AKT3: variants seen among roughly 807,000 people sequenced by gnomAD.
The protein encoded by AKT3 is AKT serine/threonine kinase 3.
A neutral mutation model predicts 65.3 loss-of-function variants in AKT3; 15 were observed. That is an observed-to-expected ratio of 0.23 (90% CI 0.15 to 0.35). AKT3 has a LOEUF of 0.35. Among genes scored for constraint, AKT3 ranks in the 10% least tolerant of loss-of-function variants. The pLI is 1.00. For missense variants in AKT3, 243 were observed against 576.5 expected (o/e 0.42, Z 5.92); for synonymous variants, 206 against 183.8 (o/e 1.12, Z -0.98).
At chr1:243,806,605 T>C (rs7542153) in intron 2 of AKT3, among the ~76,000 whole-genome samples, 3,932 of 152,320 alleles carry the variant, frequency 0.026, 160 homozygotes, top group African/African-American at 0.09. Context: ...CAACTTTTAA[T>C]GTTAAGTACA....
chr1:243,736,336 A>C (rs1029098196), intron 2 of AKT3, among the ~76,000 whole-genome samples: 1 of 152,206 alleles, frequency 6.6e-6, no homozygotes, highest in East Asian at 1.9e-4. Context: ...TACAATTACC[A>C]ATCATTGTCT....
At chr1:243,849,884 C>A (rs951181281) in intron 1 of AKT3, among the ~76,000 whole-genome samples, 156 bp downstream of exon 1, 1 of 151,962 alleles carries the variant, frequency 6.6e-6, no homozygotes. Context: ...CCCGCCCACG[C>A]CCCCGGCGCG....
Position 243,501,441 on chromosome 1 carries a change from T to C in AKT3, c.*3808A>G, listed in dbSNP as rs535815351. ...GTTGTATAGATGATTCGGGTCTGAA[T>C]GTCCCCAGGGTCTGAGACCTCCTTC... On this transcript the variant is annotated 3_prime_UTR_variant, in exon 14 of 14. Coordinates refer to ENST00000673466, the MANE Select transcript of AKT3 (RefSeq NM_005465.7). 8.6e-5 allele frequency: 20 copies of C among 233,210 alleles called. No homozygotes were observed. In the South Asian group the frequency reaches 3.6e-3, roughly 42 times the overall value. The allele number at this position is 233,210 out of a possible 1,614,324, so 14.4% of individuals were successfully genotyped here.
chr1:243,522,006 C>T (rs971825536), intron 12 of AKT3, among the ~76,000 whole-genome samples: 3 of 152,110 alleles, frequency 2.0e-5, no homozygotes, highest in African/African-American at 7.2e-5. Context: ...CTCAGTTATA[C>T]CTGGAGAGGA....
intron 2 of AKT3, among the ~76,000 whole-genome samples, chr1:243,740,515 G>T (rs1026566118): frequency 6.6e-6 from 1 of 152,154 alleles, no homozygotes; most frequent in African/African-American, 2.4e-5. Flanking sequence ...AAATGCAAAT[G>T]TGTCTTTTTC....
At chr1:243,627,724 T>A (rs1368065462) in intron 6 of AKT3, among the ~76,000 whole-genome samples, 1 of 152,196 alleles carries the variant, frequency 6.6e-6, no homozygotes, top group Non-Finnish European at 1.5e-5. Flanking sequence ...GAACCACCCA[T>A]AACATTCTAC....
chr1:243,489,266 T>G, intron 13 of AKT3: 4 of 1,274,908 alleles, frequency 3.1e-6, no homozygotes, highest in Non-Finnish European at 4.3e-6. Context: ...GGGAGGGAGG[T>G]CCCGAAGACT....
chr1:243,824,691 A>G (rs1002891833), intron 2 of AKT3, among the ~76,000 whole-genome samples: 5 of 152,242 alleles, frequency 3.3e-5, no homozygotes, highest in African/African-American at 1.2e-4. Flanking sequence ...ATTCAAATCA[A>G]AATCACAAGG....
At chr1:243,788,884 C>A (rs1691441102) in intron 2 of AKT3, 1 of 152,406 alleles carries the variant, frequency 6.6e-6, no homozygotes, top group African/African-American at 2.4e-5. Flanking sequence ...TGAAATATAT[C>A]TCTGTAACGT....
At chr1:243,659,031 A>G (rs1020755227) in intron 4 of AKT3, among the ~76,000 whole-genome samples, 10 of 150,746 alleles carry the variant, frequency 6.6e-5, no homozygotes, top group Non-Finnish European at 1.2e-4. Flanking sequence ...CCTTGTCTCA[A>G]AAAAAAAAGA....
At chr1:243,849,325 G>A (rs947037649) in intron 1 of AKT3, among the ~76,000 whole-genome samples, 2 of 152,002 alleles carry the variant, frequency 1.3e-5, no homozygotes, top group Non-Finnish European at 2.9e-5. Context: ...CTCCCAAGCG[G>A]ATCAAAACCC....
intron 2 of AKT3, among the ~76,000 whole-genome samples, chr1:243,779,725 A>ACTAAGAAGAACCAGAGCTCC: frequency 6.6e-6 from 1 of 152,250 alleles, no homozygotes; most frequent in African/African-American, 2.4e-5. Context: ...ACTATTTTCC[A>ACTAAGAAGAACCAGAGCTCC]CTAAGAAGAA....
intron 2 of AKT3, among the ~76,000 whole-genome samples, chr1:243,776,404 G>A (rs1227075937): frequency 6.6e-6 from 1 of 152,154 alleles, no homozygotes; most frequent in Non-Finnish European, 1.5e-5. Context: ...ATTAGAGTTA[G>A]ATGAAGTTCA....
intron 2 of AKT3, among the ~76,000 whole-genome samples, chr1:243,778,644 G>A (rs908728995): frequency 1.3e-5 from 2 of 152,070 alleles, no homozygotes; most frequent in South Asian, 2.1e-4. Context: ...TCAAAACTAG[G>A]TTTAAGTTAT....
At chr1:243,828,108 T>C (rs1170208542) in intron 2 of AKT3, among the ~76,000 whole-genome samples, 1 of 152,010 alleles carries the variant, frequency 6.6e-6, no homozygotes, top group Non-Finnish European at 1.5e-5. Context: ...AAAGGGCAAG[T>C]ATCCCGACTG....
At chr1:243,793,482 G>T (rs1191813997) in intron 2 of AKT3, 1 of 152,072 alleles carries the variant, frequency 6.6e-6, no homozygotes, top group Non-Finnish European at 1.5e-5. Flanking sequence ...GAGTAAAACT[G>T]AAAACAACAG....
intron 2 of AKT3, among the ~76,000 whole-genome samples, chr1:243,720,710 A>C (rs1404375284): frequency 6.6e-6 from 1 of 152,184 alleles, no homozygotes; most frequent in Non-Finnish European, 1.5e-5. Context: ...ATTATAAAGT[A>C]GATAAATATT....
rs140449136 is a variant in AKT3 at position 243,524,280 on chromosome 1, C to G, written c.1252-11854G>C. On this transcript the variant is annotated intron_variant, in intron 12 of 13. Transcript: ENST00000673466. ...GTGAGTAAAGACAAGAAAATATTCA[C>G]AGGAGGTTCTTTGGTGTTTTGGCCA... Among the ~76,000 whole-genome samples, 224 of 152,282 alleles carry G rather than the reference C, an allele frequency of 1.5e-3. 1 individual carries two copies. The highest frequency in any genetic ancestry group is 5.2e-3 in the African/African-American group (216 of 41,556).
intron 12 of AKT3, among the ~76,000 whole-genome samples, chr1:243,529,148 C>CTTT (rs1057499486): frequency 7.8e-6 from 1 of 128,276 alleles, no homozygotes; most frequent in Non-Finnish European, 1.7e-5. Context: ...TGTAATGGAG[C>CTTT]TTTTTTTTTT....
Sources: allele counts gnomAD v4.1 joint callset (sites outside exome capture counted in the v4.1 genomes callset), GRCh38; gene constraint gnomAD v4.1.1; transcripts MANE v1.5; gene names NCBI Gene and HGNC (gene_info 2026-07-23, HGNC 2026-07-21).